The following GLIS1 variants were observed in gnomAD, a reference collection of about 807,000 sequenced individuals.
GLIS1 encodes zinc finger protein GLIS1.
A neutral mutation model predicts 63.8 loss-of-function variants in GLIS1; 24 were observed. That is an observed-to-expected ratio of 0.38 (90% CI 0.27 to 0.53). The LOEUF (loss-of-function observed/expected upper bound fraction) is 0.53, where lower values mean the gene tolerates loss of function less well. GLIS1 is among the 20% of genes least tolerant of loss of function. The pLI, the probability that GLIS1 is intolerant of heterozygous loss-of-function variation, is 0.85. For missense variants in GLIS1, 1,036 were observed against 1,074.1 expected, an observed-to-expected ratio of 0.96 and a Z score of 0.50; for synonymous variants, 450 against 482.5, an observed-to-expected ratio of 0.93 and a Z score of 0.88.
chr1:53,638,389 G>C (rs1645749457), intron 2 of GLIS1, among the ~76,000 whole-genome samples: 1 of 108,850 alleles, frequency 9.2e-6, no homozygotes, highest in African/African-American at 2.5e-5. Context: ...TGGCCCCAAG[G>C]GGCAGGCCTC....
At chr1:53,529,748 G>A (rs748608454) in intron 5 of GLIS1, 43 bp downstream of exon 5, 8 of 1,583,674 alleles carry the variant, frequency 5.1e-6, no homozygotes, top group Non-Finnish European at 6.9e-6. Context: ...CAGGTGTGTG[G>A]CCATCCTCCA....
intron 4 of GLIS1, among the ~76,000 whole-genome samples, chr1:53,583,897 C>T (rs537794831): frequency 2.2e-4 from 33 of 152,196 alleles, no homozygotes; most frequent in Non-Finnish European, 4.0e-4. Flanking sequence ...TCCCATTTCC[C>T]ACTGGCAAAT....
At chr1:53,536,903 C>T (rs1644586560) in intron 4 of GLIS1, among the ~76,000 whole-genome samples, 1 of 151,024 alleles carries the variant, frequency 6.6e-6, no homozygotes, top group Admixed American at 6.6e-5. Context: ...ACAGAACAGC[C>T]TTGAAAGGCC....
chr1:53,670,831 G>C (rs183591148), intron 2 of GLIS1, among the ~76,000 whole-genome samples: 5 of 152,218 alleles, frequency 3.3e-5, no homozygotes, highest in African/African-American at 7.2e-5. Flanking sequence ...GGAGCTTACT[G>C]GTTCTTTGTT....
chr1:53,629,784 ATCTG>A (rs929272372), intron 2 of GLIS1, among the ~76,000 whole-genome samples: 9 of 152,136 alleles, frequency 5.9e-5, no homozygotes, highest in African/African-American at 2.2e-4. Flanking sequence ...TTTGCTCATT[ATCTG>A]TCTGTCCCAC....
At chr1:53,737,569 ATGTAAGC>A (rs1273876478) in intron 2 of GLIS1, among the ~76,000 whole-genome samples, 2 of 152,386 alleles carry the variant, frequency 1.3e-5, no homozygotes, top group Non-Finnish European at 1.5e-5. Flanking sequence ...AAGCAAAATT[ATGTAAGC>A]TGAGAGCTTT....
At chr1:53,657,499 T>C (rs915992425) in intron 2 of GLIS1, among the ~76,000 whole-genome samples, 3 of 152,216 alleles carry the variant, frequency 2.0e-5, no homozygotes, top group Non-Finnish European at 4.4e-5. Flanking sequence ...AGGAGCACTG[T>C]GCCTGTTATG....
Position 53,579,835 on chromosome 1 carries a change from C to T in GLIS1, c.1320+14273G>A, listed in dbSNP as rs562334880. Among the ~76,000 whole-genome samples, 4 of 152,322 alleles carry T rather than the reference C, an allele frequency of 2.6e-5. No homozygotes were observed. The South Asian group carries it at 6.2e-4, about 24-fold the overall frequency. ...TGGGCTTTGTCACAGACCTCCCTGC[C>T]GCTCAGCCAGCTCCCTATCTCTCCA... On this transcript the variant is annotated intron_variant, in intron 4 of 10. Transcript: ENST00000628545.
chr1:53,685,123 G>C (rs80299313), intron 2 of GLIS1, among the ~76,000 whole-genome samples: 1,710 of 152,242 alleles, frequency 0.011, 25 homozygotes, highest in African/African-American at 0.039. Context: ...CAGCAAAAAG[G>C]CCATGAGCAA....
intron 4 of GLIS1, among the ~76,000 whole-genome samples, chr1:53,552,773 T>C (rs1204164150): frequency 6.6e-6 from 1 of 152,086 alleles, no homozygotes. Context: ...CATGAGACAA[T>C]CTCTCTGAGA....
intron 2 of GLIS1, among the ~76,000 whole-genome samples, chr1:53,687,332 G>A (rs1309708847): frequency 6.6e-6 from 1 of 152,144 alleles, no homozygotes; most frequent in African/African-American, 2.4e-5. Context: ...GGTGGGCAGT[G>A]GAAAGAAAGA....
intron 4 of GLIS1, among the ~76,000 whole-genome samples, chr1:53,573,085 G>A (rs1341979680): frequency 6.6e-6 from 1 of 152,154 alleles, no homozygotes; most frequent in Non-Finnish European, 1.5e-5. Flanking sequence ...ATCTTCTTGA[G>A]GGCTGGAACT....
intron 2 of GLIS1, among the ~76,000 whole-genome samples, chr1:53,709,389 T>TATAC (rs1203816795): frequency 1.0e-3 from 39 of 38,804 alleles, no homozygotes; most frequent in Admixed American, 3.3e-3. Context: ...TATATACATA[T>TATAC]ATATACATAT....
At chr1:53,731,857 C>T (rs1368989462) in intron 2 of GLIS1, among the ~76,000 whole-genome samples, 4 of 152,200 alleles carry the variant, frequency 2.6e-5, no homozygotes, top group Non-Finnish European at 5.9e-5. Flanking sequence ...TCTTCCTACA[C>T]CCCAGATCCT....
intron 4 of GLIS1, among the ~76,000 whole-genome samples, chr1:53,585,973 T>A (rs552336564): frequency 1.3e-5 from 2 of 152,228 alleles, no homozygotes; most frequent in Non-Finnish European, 2.9e-5. Flanking sequence ...GCATGGCTAG[T>A]GAGCAGCAGA....
intron 4 of GLIS1, among the ~76,000 whole-genome samples, chr1:53,568,850 C>T (rs1172019251): frequency 1.3e-5 from 2 of 152,224 alleles, no homozygotes; most frequent in Non-Finnish European, 2.9e-5. Flanking sequence ...TCAATTAAAC[C>T]TCTTTTCTTC....
chr1:53,665,068 T>C (rs1646076567), intron 2 of GLIS1, among the ~76,000 whole-genome samples: 1 of 152,066 alleles, frequency 6.6e-6, no homozygotes, highest in African/African-American at 2.4e-5. Flanking sequence ...CACTGGAGGG[T>C]TCCGAGAGAG....
chr1:53,632,377 G>GTGAA (rs1645664583), intron 2 of GLIS1, among the ~76,000 whole-genome samples: 2 of 148,160 alleles, frequency 1.3e-5, no homozygotes, highest in African/African-American at 5.0e-5. Context: ...TGAGGGGTGT[G>GTGAA]TGAGTGTGAC....
intron 4 of GLIS1, among the ~76,000 whole-genome samples, chr1:53,558,859 T>G (rs921646171): frequency 2.6e-5 from 4 of 152,188 alleles, no homozygotes; most frequent in African/African-American, 9.7e-5. Context: ...TCCTGGACCA[T>G]GTAGACTCTG....
Sources: allele counts gnomAD v4.1 joint callset (sites outside exome capture counted in the v4.1 genomes callset), GRCh38; gene constraint gnomAD v4.1.1; transcripts MANE v1.5; gene names NCBI Gene and HGNC (gene_info 2026-07-23, HGNC 2026-07-21).